AHCYL2: variants seen among roughly 807,000 people sequenced by gnomAD.
AHCYL2 encodes the protein adenosylhomocysteinase like 2, also known as S-adenosylhomocysteine hydrolase-like protein 2.
A neutral mutation model predicts 81.4 loss-of-function variants in AHCYL2; 28 were observed. That is an observed-to-expected ratio of 0.34 (90% confidence interval 0.25 to 0.47). The LOEUF (loss-of-function observed/expected upper bound fraction) is 0.47, where lower values mean the gene tolerates loss of function less well. Ranked by LOEUF, AHCYL2 falls within the 20% of genes least tolerant of loss-of-function variation. The pLI is 1.00. For missense variants in AHCYL2, 551 were observed against 785.1 expected (o/e 0.70, Z 3.56); for synonymous variants, 272 against 290.2 (o/e 0.94, Z 0.64).
At chr7:129,360,896 A>C (rs901171618) in intron 1 of AHCYL2, among the ~76,000 whole-genome samples, 3 of 152,200 alleles carry the variant, frequency 2.0e-5, no homozygotes, top group African/African-American at 7.2e-5. Context: ...GGGGTGTTAT[A>C]AACAAGGAAG....
chr7:129,282,396 G>C (rs989155830), intron 1 of AHCYL2, among the ~76,000 whole-genome samples: 1 of 151,784 alleles, frequency 6.6e-6, no homozygotes. Flanking sequence ...ATTCACTCAT[G>C]GTCTTTTTAT....
intron 1 of AHCYL2, among the ~76,000 whole-genome samples, chr7:129,340,776 G>A (rs138968397): frequency 8.9e-4 from 136 of 152,218 alleles, no homozygotes; most frequent in African/African-American, 3.1e-3. Context: ...GAGATCATAT[G>A]ATATTTTCTC....
At chr7:129,248,065 A>G (rs1476365360) in intron 1 of AHCYL2, among the ~76,000 whole-genome samples, 1 of 152,170 alleles carries the variant, frequency 6.6e-6, no homozygotes, top group African/African-American at 2.4e-5. Flanking sequence ...TCATATGGAT[A>G]TCCACTTATC....
At position 129,422,938 on chromosome 7, in the gene AHCYL2, G is replaced by C; in HGVS notation, c.1560G>C (p.Glu520Asp). 6.2e-7 allele frequency: 1 copy of C among 1,613,962 alleles called. No individual in the cohort carries two copies. Among genetic ancestry groups the C allele is most frequent in the Non-Finnish European group, 8.5e-7 (1 of 1,179,926 alleles). ...GCAAGAGGATAGTACTGCTGGCAGA[G>C]GTAAGGCTGAGACTGGCAAAAATAC... ...PDGKRIVLLA[E>D]GRLLNLSCST... Residue 520 changes from glutamate to aspartate, a missense_variant and splice_region_variant, in exon 13 of 17, where the codon GAG (glutamate) becomes GAC (aspartate). Coordinates refer to ENST00000325006, the MANE Select transcript of AHCYL2 (RefSeq NM_015328.4).
At chr7:129,273,085 A>G (rs1316535782) in intron 1 of AHCYL2, among the ~76,000 whole-genome samples, 7 of 151,678 alleles carry the variant, frequency 4.6e-5, no homozygotes, top group Non-Finnish European at 8.8e-5. Context: ...TATTTTTGGT[A>G]GAGACAGGGT....
intron 12 of AHCYL2, among the ~76,000 whole-genome samples, chr7:129,421,651 C>T (rs960984522): frequency 7.2e-5 from 11 of 152,188 alleles, no homozygotes; most frequent in South Asian, 6.2e-4. Flanking sequence ...AATAAAGAAA[C>T]GGTCCACACC....
chr7:129,275,766 T>C (rs1272372281), intron 1 of AHCYL2, among the ~76,000 whole-genome samples: 2 of 152,132 alleles, frequency 1.3e-5, no homozygotes, highest in African/African-American at 2.4e-5. Flanking sequence ...GATACAAATA[T>C]GAATAAATTT....
chr7:129,376,032 C>A, intron 1 of AHCYL2: 1 of 1,403,880 alleles, frequency 7.1e-7, no homozygotes, highest in South Asian at 1.3e-5. Context: ...TTCATCCCTC[C>A]CTCTGGCATA....
At chr7:129,256,038 A>G (rs1050561582) in intron 1 of AHCYL2, among the ~76,000 whole-genome samples, 1 of 152,130 alleles carries the variant, frequency 6.6e-6, no homozygotes, top group Non-Finnish European at 1.5e-5. Context: ...CCAGTACTAA[A>G]CTTAATACCT....
chr7:129,225,318 C>T lies in AHCYL2; in HGVS notation c.242C>T (p.Pro81Leu), dbSNP rs2150666388. The T allele has an allele frequency of 6.7e-7, 1 of 1,489,800 alleles. No homozygotes were observed. The highest frequency in any genetic ancestry group is 8.9e-7 in the Non-Finnish European group (1 of 1,128,206). The allele number at this position is 1,489,800 out of a possible 1,614,324, so 92.3% of individuals were successfully genotyped here. ...AALSPAAGKV[P>L]QASAMKRSDP... ...CTCAGCCCCGCCGCCGGGAAGGTGC[C>T]TCAGGCGTCGGCCATGAAGCGGAGC... is the stretch of plus-strand genomic sequence containing the variant. Residue 81 changes from proline to leucine, a missense_variant, in exon 1 of 17, where the codon CCT becomes CTT. By Grantham distance (98) the Pro-to-Leu change is moderately conservative. Around this residue, in one of 2 missense-constraint regions of AHCYL2, gnomAD observed 235 missense variants for 242.1 expected, o/e 0.97. Transcript: ENST00000325006.
At position 129,426,975 on chromosome 7, in the gene AHCYL2, C is replaced by T; in HGVS notation, c.1830-64C>T. ...TCCCTGTTACACCTTTAGGCAGGCT[C>T]TTCATGTCCCAGCATCCCCATTAGC... is the stretch of plus-strand genomic sequence containing the variant. On this transcript the variant is annotated intron_variant, in intron 16 of 16. Transcript: ENST00000325006. This position sits in a 1 kb window ranked among gnomAD's most constrained non-coding sequence, Gnocchi z 4.3. 2 of 1,550,998 alleles carry T rather than the reference C, an allele frequency of 1.3e-6. No homozygotes were observed. The highest frequency in any genetic ancestry group is 3.4e-5 in the Admixed American group (2 of 59,128).
chr7:129,269,749 T>A (rs1296188683), intron 1 of AHCYL2, among the ~76,000 whole-genome samples: 1 of 152,206 alleles, frequency 6.6e-6, no homozygotes, highest in Non-Finnish European at 1.5e-5. Context: ...ATTCCGTAAT[T>A]TTTAGAGTTC....
At chr7:129,400,255 C>A (rs1040965271) in intron 5 of AHCYL2, 35 bp from the exon 6 acceptor site, 1 of 1,601,276 alleles carries the variant, frequency 6.2e-7, no homozygotes, top group Non-Finnish European at 8.5e-7. Context: ...CTTTTTTGGT[C>A]TTTAATGGTT....
intron 1 of AHCYL2, among the ~76,000 whole-genome samples, chr7:129,248,983 T>G (rs1795153186): frequency 6.7e-6 from 1 of 148,408 alleles, no homozygotes; most frequent in African/African-American, 2.5e-5. Context: ...TGGTAAAGTT[T>G]ACTAACAATA....
At chr7:129,244,767 A>T (rs1794989267) in intron 1 of AHCYL2, among the ~76,000 whole-genome samples, 1 of 152,154 alleles carries the variant, frequency 6.6e-6, no homozygotes, top group Non-Finnish European at 1.5e-5. Context: ...GTCTAGGGCA[A>T]TATCTAATGC....
intron 2 of AHCYL2, 74 bp downstream of exon 2, chr7:129,379,823 C>T: frequency 1.7e-6 from 2 of 1,169,652 alleles, no homozygotes; most frequent in Non-Finnish European, 2.4e-6. Flanking sequence ...CCTGTCTATC[C>T]AAGGCTAATT....
intron 1 of AHCYL2, among the ~76,000 whole-genome samples, chr7:129,348,700 T>C (rs1442680401): frequency 6.6e-6 from 1 of 152,208 alleles, no homozygotes; most frequent in Non-Finnish European, 1.5e-5. Context: ...TGATACTTAC[T>C]AGCCGTTGTT....
At chr7:129,227,305 G>A (rs987716146) in intron 1 of AHCYL2, among the ~76,000 whole-genome samples, 7 of 151,842 alleles carry the variant, frequency 4.6e-5, no homozygotes, top group South Asian at 4.2e-4. Context: ...ACCTCTGAAA[G>A]TTACACACAG....
intron 1 of AHCYL2, among the ~76,000 whole-genome samples, chr7:129,256,535 G>GC (rs1373184612): frequency 3.9e-3 from 219 of 55,494 alleles, no homozygotes; most frequent in Middle Eastern, 9.4e-3. Context: ...CTTGCTTCCC[G>GC]CCCCCCACCC....
Sources: gnomAD v4.1 joint callset for allele counts (sites outside exome capture counted in the v4.1 genomes callset) on GRCh38, gnomAD v4.1.1 for gene constraint, gnomAD v4.1.1 regional missense constraint, Gnocchi (gnomAD v3.1) non-coding constraint, MANE v1.5 for transcripts, NCBI Gene and HGNC (gene_info 2026-07-23, HGNC 2026-07-21) for gene names.